GLT1D1: variants seen among roughly 807,000 people sequenced by gnomAD.
GLT1D1 encodes the protein glycosyltransferase 1 domain containing 1.
In GLT1D1, 21 loss-of-function variants were observed where a neutral mutation model predicts 28.7. The observed-to-expected ratio is 0.73, with a 90% CI of 0.52 to 1.05. The LOEUF (loss-of-function observed/expected upper bound fraction) is 1.05. Ranked by LOEUF, GLT1D1 falls within the 50% of genes least tolerant of loss-of-function variation. GLT1D1 has a pLI of 0.00. For synonymous variants in GLT1D1, 147 were observed against 124.8 expected (o/e 1.18, Z -1.19); for missense variants, 343 against 330.6 (o/e 1.04, Z -0.29).
chr12:128,869,395 C>T (rs1956628794), intron 1 of GLT1D1, among the ~76,000 whole-genome samples: 1 of 152,116 alleles, frequency 6.6e-6, no homozygotes, highest in African/African-American at 2.4e-5. Flanking sequence ...GTCTCAAACT[C>T]CTGGGCTCAA....
chr12:128,896,469 C>T (rs1869634707), intron 3 of GLT1D1, among the ~76,000 whole-genome samples: 1 of 151,794 alleles, frequency 6.6e-6, no homozygotes, highest in South Asian at 2.1e-4. Context: ...GTGCTTTAAC[C>T]ATGACTAGCT....
intron 1 of GLT1D1, among the ~76,000 whole-genome samples, chr12:128,861,629 G>A (rs1394392273): frequency 2.6e-5 from 4 of 152,196 alleles, no homozygotes; most frequent in Admixed American, 2.6e-4. Context: ...TGGTGACTGT[G>A]TGTTTGTTGT....
At chr12:128,981,230 G>A (rs1482448949) in intron 7 of GLT1D1, among the ~76,000 whole-genome samples, 8 of 152,172 alleles carry the variant, frequency 5.3e-5, no homozygotes, top group South Asian at 4.1e-4. Context: ...TTTTCCATGC[G>A]GAGAGAAAAG....
chr12:128,891,272 G>A (rs1869026194), intron 3 of GLT1D1, among the ~76,000 whole-genome samples: 1 of 152,092 alleles, frequency 6.6e-6, no homozygotes, highest in South Asian at 2.1e-4. Context: ...TTTCTGATCA[G>A]TCATGAGGTG....
chr12:128,909,031 G>A (rs188843265), intron 4 of GLT1D1, among the ~76,000 whole-genome samples: 3 of 152,254 alleles, frequency 2.0e-5, no homozygotes, highest in East Asian at 3.9e-4. Context: ...TATTGGCTTC[G>A]CAGCTAGTCT....
intron 2 of GLT1D1, among the ~76,000 whole-genome samples, chr12:128,882,780 C>T (rs1345616491): frequency 2.0e-5 from 3 of 152,124 alleles, no homozygotes; most frequent in African/African-American, 7.2e-5. Flanking sequence ...TGGAATGGAA[C>T]CTGTTCCCAG....
At chr12:128,956,352 T>A (rs1877312504) in intron 6 of GLT1D1, among the ~76,000 whole-genome samples, 1 of 152,002 alleles carries the variant, frequency 6.6e-6, no homozygotes, top group South Asian at 2.1e-4. Context: ...GTGTTGAATA[T>A]CTCACGGAAG....
At chr12:128,900,728 C>A (rs1014051118) in intron 4 of GLT1D1, among the ~76,000 whole-genome samples, 2 of 152,000 alleles carry the variant, frequency 1.3e-5, no homozygotes, top group African/African-American at 4.8e-5. Context: ...CTCTGCCCCC[C>A]AGGTTCAAGC....
Position 128,866,579 on chromosome 12 carries a change from C to T in GLT1D1, c.69-9335C>T, listed in dbSNP as rs144875409. On this transcript the variant is annotated intron_variant, in intron 1 of 7. Transcript: ENST00000281703. ...TTTGTTAGCTCTTCATCTTTTCCCC[C>T]ACAGTATCCACGTGGTTCGCTGCCT... Among the ~76,000 whole-genome samples, 294 of 150,930 alleles carry T rather than the reference C, an allele frequency of 1.9e-3. 1 individual carries two copies. The highest frequency in any genetic ancestry group is 6.4e-3 in the African/African-American group (261 of 41,062).
chr12:128,973,811 A>G (rs1253215200), intron 7 of GLT1D1, among the ~76,000 whole-genome samples: 1 of 151,956 alleles, frequency 6.6e-6, no homozygotes, highest in Non-Finnish European at 1.5e-5. Flanking sequence ...AAGTGAGCGA[A>G]TGAGAAGCAC....
At chr12:128,933,597 C>T (rs1874188835) in intron 4 of GLT1D1, among the ~76,000 whole-genome samples, 1 of 152,008 alleles carries the variant, frequency 6.6e-6, no homozygotes, top group East Asian at 1.9e-4. Context: ...TGTGTGGGTC[C>T]GTGGGTGTGT....
intron 3 of GLT1D1, among the ~76,000 whole-genome samples, chr12:128,892,228 T>C (rs1169459981): frequency 6.6e-6 from 1 of 152,184 alleles, no homozygotes; most frequent in African/African-American, 2.4e-5. Flanking sequence ...CCTTTAGCTT[T>C]GTGATTTGGG....
At chr12:128,967,702 C>G (rs1307834431) in intron 7 of GLT1D1, among the ~76,000 whole-genome samples, 1 of 152,228 alleles carries the variant, frequency 6.6e-6, no homozygotes, top group African/African-American at 2.4e-5. Flanking sequence ...ACTCTTACTT[C>G]GAGTTACGTT....
chr12:128,907,454 C>T (rs1329015275), intron 4 of GLT1D1, among the ~76,000 whole-genome samples: 9 of 151,968 alleles, frequency 5.9e-5, no homozygotes, highest in South Asian at 2.1e-4. Context: ...TACAGGTGCC[C>T]GCCACCACAC....
chr12:128,883,777 T>G (rs1957119361), intron 2 of GLT1D1, among the ~76,000 whole-genome samples: 2 of 152,178 alleles, frequency 1.3e-5, no homozygotes, highest in South Asian at 4.1e-4. Context: ...TCATTCTCAG[T>G]GCATTTCAGC....
intron 2 of GLT1D1, among the ~76,000 whole-genome samples, chr12:128,885,845 C>T (rs1011260846): frequency 4.6e-5 from 7 of 152,184 alleles, no homozygotes; most frequent in African/African-American, 7.2e-5. Context: ...ACGACTCTCC[C>T]ACTGTTTTAC....
chr12:128,972,277 C>T (rs1262340177), intron 7 of GLT1D1, among the ~76,000 whole-genome samples: 1 of 152,276 alleles, frequency 6.6e-6, no homozygotes, highest in Admixed American at 6.5e-5. Context: ...TGCGGTCACT[C>T]AGAGCCCAGG....
At chr12:128,854,918 T>A (rs1956177461) in intron 1 of GLT1D1, among the ~76,000 whole-genome samples, 1 of 152,140 alleles carries the variant, frequency 6.6e-6, no homozygotes, top group Non-Finnish European at 1.5e-5. Flanking sequence ...TTCTGAAATT[T>A]GCTGGAAAAT....
intron 1 of GLT1D1, among the ~76,000 whole-genome samples, chr12:128,857,558 C>T (rs1358935017): frequency 4.0e-5 from 6 of 151,140 alleles, no homozygotes; most frequent in Admixed American, 1.3e-4. Flanking sequence ...GTGTCCTGGA[C>T]GGGCGGGGAG....
Sources: gnomAD v4.1 joint callset for allele counts (sites outside exome capture counted in the v4.1 genomes callset) on GRCh38, gnomAD v4.1.1 for gene constraint, MANE v1.5 for transcripts, NCBI Gene and HGNC (gene_info 2026-07-23, HGNC 2026-07-21) for gene names.